GLB1: variants seen among roughly 807,000 people sequenced by gnomAD.
GLB1 encodes the protein beta-galactosidase.
Under a neutral mutation model 74.0 loss-of-function variants are expected in GLB1, and 56 were observed. The ratio of observed to expected loss-of-function variants is 0.76; its 90% confidence interval spans 0.61 to 0.94. The LOEUF (loss-of-function observed/expected upper bound fraction) is 0.94. Among genes scored for constraint, GLB1 ranks in the 40% least tolerant of loss-of-function variants. GLB1 has a pLI of 0.00. For missense variants in GLB1, 787 were observed against 845.5 expected (o/e 0.93, Z 0.86); for synonymous variants, 323 against 323.6 (o/e 1.00, Z 0.02).
intron 6 of GLB1, among the ~76,000 whole-genome samples, chr3:33,056,506 T>C (rs1270100505): frequency 6.6e-6 from 1 of 151,998 alleles, no homozygotes; most frequent in African/African-American, 2.4e-5. Context: ...CTTGAACTCG[T>C]GGGCTCAAGT....
Position 33,097,121 on chromosome 3 carries a change from G to A in GLB1, c.-36C>T, listed in dbSNP as rs774393146. 15 of 1,608,462 alleles carry A rather than the reference G, an allele frequency of 9.3e-6. No individual in the cohort carries two copies. Among genetic ancestry groups the A allele is most frequent in the African/African-American group, 1.3e-5 (1 of 74,526 alleles). On this transcript the variant is annotated 5_prime_UTR_variant, in exon 1 of 16. Coordinates refer to ENST00000307363, the MANE Select transcript of GLB1 (RefSeq NM_000404.4). The stretch of plus-strand genomic sequence containing the variant: ...CTCCCGGCTCTGCAGTCGGCGCCCA[G>A]GCCGGCCGCTTCGCGTCACTTGACT...
Position 33,097,056 on chromosome 3 carries a change from A to AG in GLB1, c.29dup (p.Leu11SerfsTer23), listed in dbSNP as rs754458675. The stretch of plus-strand genomic sequence containing the variant: ...CCAGAAGCAGCAGAACCAGCAACAG[A>AG]GGGAGGATGCGAACCAGGAACCCCG... On this transcript the variant is annotated frameshift_variant, in exon 1 of 16. Coordinates refer to ENST00000307363, the MANE Select transcript of GLB1 (RefSeq NM_000404.4). LOFTEE classifies it high-confidence loss of function. The AG allele has an allele frequency of 6.2e-7, 1 of 1,611,970 alleles. No individual in the cohort carries two copies. The highest frequency in any genetic ancestry group is 1.3e-5 in the African/African-American group (1 of 74,812).
chr3:33,034,829 C>T lies in GLB1; in HGVS notation c.1069-10504G>A, dbSNP rs573313508. The T allele has an allele frequency of 3.6e-5, 21 of 582,048 alleles. No individual in the cohort carries two copies. The Middle Eastern group carries it at 1.4e-3, about 40-fold the overall frequency. The allele number at this position is 582,048 out of a possible 1,614,324, so 36.1% of individuals were successfully genotyped here. A position where few individuals can be genotyped will look rare whatever the true frequency, so the allele number is the denominator to read the frequency against. On this transcript the variant is annotated intron_variant, in intron 10 of 15. Transcript: ENST00000307363. ...GCAGTGACAAGACAGGCAGAGCCTCCCACCTGCCAGCTCCAGGACTGACTG... is the reference window on the plus strand; with the variant it reads ...GCAGTGACAAGACAGGCAGAGCCTCTCACCTGCCAGCTCCAGGACTGACTG...
intron 6 of GLB1, among the ~76,000 whole-genome samples, 157 bp downstream of exon 6, chr3:33,057,932 T>C (rs1289082929): frequency 2.0e-5 from 3 of 152,236 alleles, no homozygotes; most frequent in Non-Finnish European, 4.4e-5. Context: ...CCTCTGTTAC[T>C]GAGGGGTGCA....
intron 15 of GLB1, among the ~76,000 whole-genome samples, chr3:33,012,304 T>A (rs1242560945): frequency 1.3e-5 from 2 of 152,210 alleles, no homozygotes; most frequent in Non-Finnish European, 2.9e-5. Context: ...AATGTTTGTG[T>A]CCACCCAAAA....
intron 10 of GLB1, among the ~76,000 whole-genome samples, chr3:33,040,673 A>AAC (rs1342191574): frequency 1.3e-5 from 2 of 152,234 alleles, no homozygotes; most frequent in East Asian, 1.9e-4. Context: ...TCAAAATCAC[A>AAC]ACACACACGC....
At chr3:33,047,471 T>C (rs1409530368) in intron 9 of GLB1, among the ~76,000 whole-genome samples, 1 of 152,346 alleles carries the variant, frequency 6.6e-6, no homozygotes, top group South Asian at 2.1e-4. Context: ...TTCTAACAGG[T>C]GTCCAGGTGA....
the GLB1 span, among the ~76,000 whole-genome samples, chr3:32,990,641 G>A: frequency 6.6e-6 from 1 of 152,156 alleles, no homozygotes; most frequent in Non-Finnish European, 1.5e-5. Flanking sequence ...CCAGAAAAGA[G>A]GTCAGGTGGT....
At chr3:33,045,495 G>A (rs1208819007) in intron 10 of GLB1, 2 of 988,180 alleles carry the variant, frequency 2.0e-6, no homozygotes, top group Non-Finnish European at 2.4e-6. Flanking sequence ...CACATAAAAA[G>A]GAAAATAGTT....
At chr3:33,013,554 T>A (rs1053293535) in intron 15 of GLB1, among the ~76,000 whole-genome samples, 14 of 152,134 alleles carry the variant, frequency 9.2e-5, no homozygotes, top group Admixed American at 2.6e-4. Context: ...TATGCCAATG[T>A]CTTCAAACGA....
At chr3:33,033,804 A>G in intron 10 of GLB1, 2 of 291,786 alleles carry the variant, frequency 6.9e-6, no homozygotes, top group Non-Finnish European at 6.6e-6. Flanking sequence ...AAAAGGTGGT[A>G]AGGAATGGGG....
At chr3:33,062,523 C>A (rs1324020552) in intron 5 of GLB1, among the ~76,000 whole-genome samples, 1 of 152,150 alleles carries the variant, frequency 6.6e-6, no homozygotes, top group African/African-American at 2.4e-5. Flanking sequence ...GGCACAGTGG[C>A]TCATGGCTTT....
Position 33,053,477 on chromosome 3 carries a change from C to T in GLB1, c.792+14G>A. 2 of 1,614,182 alleles carry T rather than the reference C, an allele frequency of 1.2e-6. No homozygotes were observed. Among genetic ancestry groups the T allele is most frequent in the Non-Finnish European group, 1.7e-6 (2 of 1,180,032 alleles). Reference sequence around the variant, plus strand: ...TTAACAGCTGCAAACACACACCTCACCCTCGATTCTTACCAAGGGTCCTTT... The same window carrying T: ...TTAACAGCTGCAAACACACACCTCATCCTCGATTCTTACCAAGGGTCCTTT... On this transcript the variant is annotated intron_variant, in intron 7 of 15. Transcript: ENST00000307363.
intron 1 of GLB1, among the ~76,000 whole-genome samples, chr3:33,074,353 G>A (rs1348400735): frequency 2.0e-5 from 1 of 51,100 alleles, no homozygotes; most frequent in Non-Finnish European, 3.6e-5. Flanking sequence ...AGGAAGGAAG[G>A]AAGGAAGGAA....
At chr3:33,020,704 TTGCAA>T (rs1697432171) in intron 12 of GLB1, among the ~76,000 whole-genome samples, 2 of 152,342 alleles carry the variant, frequency 1.3e-5, no homozygotes, top group South Asian at 4.1e-4. Context: ...AAGGACGTTA[TTGCAA>T]TGACCAGGGA....
At chr3:33,006,089 AC>A (rs940343888) in intron 15 of GLB1, among the ~76,000 whole-genome samples, 4 of 152,198 alleles carry the variant, frequency 2.6e-5, no homozygotes, top group Non-Finnish European at 5.9e-5. Context: ...ACTTATCCAC[AC>A]CCAGCTGAAA....
Position 33,011,057 on chromosome 3 carries a change from A to T in GLB1, c.1734+2999T>A, listed in dbSNP as rs528178262. Among the ~76,000 whole-genome samples the T allele has an allele frequency of 5.3e-5, 8 of 152,196 alleles. No homozygotes were observed. In the South Asian group the frequency reaches 1.7e-3, roughly 32 times the overall value. On this transcript the variant is annotated intron_variant, in intron 15 of 15. Transcript: ENST00000307363. ...TTTTTAGTAGAAATGGGGTTCTGCC[A>T]TGTTGCCCAGGCTGGTCTTGAACTC... is the stretch of plus-strand genomic sequence containing the variant.
chr3:33,069,949 C>A (rs2125550207), intron 2 of GLB1, among the ~76,000 whole-genome samples: 1 of 143,482 alleles, frequency 7.0e-6, no homozygotes, highest in Admixed American at 7.0e-5. Flanking sequence ...GGGGAACTCA[C>A]CCTCCTCCCA....
At chr3:33,062,215 G>A (rs1435593177) in intron 5 of GLB1, among the ~76,000 whole-genome samples, 1 of 152,098 alleles carries the variant, frequency 6.6e-6, no homozygotes, top group Non-Finnish European at 1.5e-5. Flanking sequence ...CCAGGCTGGA[G>A]TGCAGTGAGT....
Sources: gnomAD v4.1 joint callset for allele counts (sites outside exome capture counted in the v4.1 genomes callset) on GRCh38, gnomAD v4.1.1 for gene constraint, MANE v1.5 for transcripts, NCBI Gene and HGNC (gene_info 2026-07-23, HGNC 2026-07-21) for gene names.